Variants in ZSCAN25 observed in about 807,000 individuals in gnomAD.
ZSCAN25 encodes zinc finger and SCAN domain containing 25, also known as zinc finger and SCAN domain-containing protein 25.
A neutral mutation model predicts 38.7 loss-of-function variants in ZSCAN25; 27 were observed. The observed-to-expected ratio is 0.70, with a 90% CI of 0.51 to 0.96. The LOEUF (loss-of-function observed/expected upper bound fraction) is 0.96. ZSCAN25 is among the 40% of genes least tolerant of loss of function. The pLI is 0.00. For synonymous variants in ZSCAN25, 273 were observed against 277.7 expected (o/e 0.98, Z 0.17); for missense variants, 637 against 705.9 (o/e 0.90, Z 1.11).
At chr7:99,687,722 G>C in the ZSCAN25 span, among the ~76,000 whole-genome samples, 1 of 152,198 alleles carries the variant, frequency 6.6e-6, no homozygotes, top group Non-Finnish European at 1.5e-5. Flanking sequence ...ATAATTGTCA[G>C]ATTCACCAAA....
At chr7:99,717,120 C>T in the ZSCAN25 span, 3 of 1,607,006 alleles carry the variant, frequency 1.9e-6, no homozygotes, top group Non-Finnish European at 2.6e-6. Context: ...AGCTCCATAG[C>T]AGGCAGCTGG....
At chr7:99,634,837 G>A (rs1307886785), downstream of ZSCAN25, among the ~76,000 whole-genome samples, 4 of 151,950 alleles carry the variant, frequency 2.6e-5, no homozygotes, top group African/African-American at 9.7e-5. Context: ...GTGGTGGCAG[G>A]CGCCTGAGGC....
At chr7:99,668,719 A>G in the ZSCAN25 span, among the ~76,000 whole-genome samples, 1 of 152,250 alleles carries the variant, frequency 6.6e-6, no homozygotes, top group Admixed American at 6.5e-5. Context: ...GAATTGTGAC[A>G]AAGAATTCAA....
the ZSCAN25 span, chr7:99,638,720 TC>T: frequency 5.5e-6 from 7 of 1,278,544 alleles, no homozygotes; most frequent in Non-Finnish European, 8.0e-6. Context: ...AACATGAGGA[TC>T]CACATTTCCT....
chr7:99,622,745 G>A, intron 6 of ZSCAN25, 105 bp downstream of exon 6: 1 of 1,061,974 alleles, frequency 9.4e-7, no homozygotes, highest in Non-Finnish European at 1.4e-6. Flanking sequence ...GCCCCAAGTT[G>A]AGTCATTCTC....
At chr7:99,717,154 C>A in the ZSCAN25 span, 1 of 1,613,688 alleles carries the variant, frequency 6.2e-7, no homozygotes, top group Non-Finnish European at 8.5e-7. Flanking sequence ...AGCTCAGAAC[C>A]CCATGGCTGT....
At chr7:99,660,347 C>T in the ZSCAN25 span, 1 of 1,332,726 alleles carries the variant, frequency 7.5e-7, no homozygotes, top group East Asian at 3.4e-5. Flanking sequence ...CTATGTTTCT[C>T]CCTTTGTTTT....
the ZSCAN25 span, among the ~76,000 whole-genome samples, chr7:99,724,386 A>T: frequency 5.9e-5 from 9 of 152,184 alleles, no homozygotes; most frequent in Non-Finnish European, 1.0e-4. Context: ...AAATGGTCTG[A>T]GGTGCCTGAC....
the ZSCAN25 span, among the ~76,000 whole-genome samples, chr7:99,727,063 G>A: frequency 6.6e-6 from 1 of 152,140 alleles, no homozygotes; most frequent in Non-Finnish European, 1.5e-5. Context: ...GACCCCATAA[G>A]TCCTAAATCC....
At chr7:99,624,291 G>A in intron 7 of ZSCAN25, 111 bp downstream of exon 7, 1 of 1,429,588 alleles carries the variant, frequency 7.0e-7, no homozygotes, top group Non-Finnish European at 9.7e-7. Context: ...TTCATGGCAG[G>A]CGGGTAAATG....
At chr7:99,708,060 C>T in the ZSCAN25 span, 1 of 1,580,356 alleles carries the variant, frequency 6.3e-7, no homozygotes, top group Non-Finnish European at 8.7e-7. Context: ...TTAGGGCCCA[C>T]CCCTCTACTA....
At chr7:99,632,729 G>T (rs1808091607), downstream of ZSCAN25, among the ~76,000 whole-genome samples, 1 of 152,192 alleles carries the variant, frequency 6.6e-6, no homozygotes, top group South Asian at 2.1e-4. Flanking sequence ...GGTTGAGGTT[G>T]CAGTGAGCCC....
chr7:99,628,985 C>T (rs566786486), intron 7 of ZSCAN25, among the ~76,000 whole-genome samples: 81 of 151,936 alleles, frequency 5.3e-4, no homozygotes, highest in African/African-American at 1.5e-3. Flanking sequence ...GATAAGTGGG[C>T]GGGCACTGGA....
chr7:99,641,308 GC>G, the ZSCAN25 span, among the ~76,000 whole-genome samples: 115 of 152,262 alleles, frequency 7.6e-4, 1 homozygote, highest in Middle Eastern at 0.034. Context: ...AGGGGGATAA[GC>G]CCCTTACAAA....
At chr7:99,622,773 G>T in intron 6 of ZSCAN25, 133 bp downstream of exon 6, 2 of 766,470 alleles carry the variant, frequency 2.6e-6, no homozygotes, top group South Asian at 1.8e-5. Context: ...AGTCCCGGTG[G>T]ACCTGATGGT....
the ZSCAN25 span, chr7:99,707,986 T>C: frequency 1.2e-6 from 2 of 1,613,748 alleles, no homozygotes; most frequent in South Asian, 1.1e-5. Context: ...TGGTTCCATA[T>C]TGGTAGATAT....
Position 99,629,124 on chromosome 7 carries a change from A to C in ZSCAN25, c.806-67A>C. ...ACCATGAATGGGACCCCTGTGAAGCAGAGTTCTAACATGTAAATGTCCTGC... is the reference window on the plus strand; with the variant it reads ...ACCATGAATGGGACCCCTGTGAAGCCGAGTTCTAACATGTAAATGTCCTGC... On this transcript the variant is annotated intron_variant, in intron 7 of 7. Coordinates refer to ENST00000394152, the MANE Select transcript of ZSCAN25 (RefSeq NM_145115.3). The surrounding 1 kb of genome is among the most constrained non-coding windows in gnomAD (Gnocchi z 5.6). 1.3e-6 allele frequency: 2 copies of C among 1,514,434 alleles called. No homozygotes were observed. The highest frequency in any genetic ancestry group is 1.8e-6 in the Non-Finnish European group (2 of 1,132,038). The allele number at this position is 1,514,434 out of a possible 1,614,324, so 93.8% of individuals were successfully genotyped here.
At chr7:99,643,331 T>C in the ZSCAN25 span, among the ~76,000 whole-genome samples, 32 of 152,268 alleles carry the variant, frequency 2.1e-4, no homozygotes, top group Non-Finnish European at 3.4e-4. Flanking sequence ...ATGTACTCCA[T>C]TGGACTTTAG....
the ZSCAN25 span, chr7:99,695,880 T>C: frequency 1.3e-6 from 2 of 1,565,054 alleles, no homozygotes; most frequent in South Asian, 2.3e-5. Context: ...GGATTGTGAC[T>C]TTATAGATAT....
Sources: allele counts gnomAD v4.1 joint callset (sites outside exome capture counted in the v4.1 genomes callset), GRCh38; gene constraint gnomAD v4.1.1; non-coding constraint Gnocchi (gnomAD v3.1); transcripts MANE v1.5; gene names NCBI Gene and HGNC (gene_info 2026-07-23, HGNC 2026-07-21).